GNA12: variants seen among roughly 807,000 people sequenced by gnomAD.
GNA12 encodes G protein subunit alpha 12.
In GNA12, 9 loss-of-function variants were observed where a neutral mutation model predicts 26.0. The ratio of observed to expected loss-of-function variants is 0.35; its 90% CI spans 0.21 to 0.60. GNA12 has a LOEUF of 0.60. Ranked by LOEUF, GNA12 falls within the 20% of genes least tolerant of loss-of-function variation. The probability of loss-of-function intolerance (pLI) is 0.78; values close to 1 mark genes in which losing one functional copy is unlikely to be tolerated. For missense variants in GNA12, 405 were observed against 525.8 expected (o/e 0.77, Z 2.25); for synonymous variants, 264 against 219.6 (o/e 1.20, Z -1.79).
chr7:2,816,047 C>T (rs199634576), intron 1 of GNA12, among the ~76,000 whole-genome samples: 11 of 152,338 alleles, frequency 7.2e-5, no homozygotes, highest in East Asian at 3.9e-4. Context: ...AGACCCTGGC[C>T]GCCGCGCACG....
At chr7:2,739,277 C>T (rs556263148) in intron 2 of GNA12, among the ~76,000 whole-genome samples, 89 of 152,314 alleles carry the variant, frequency 5.8e-4, no homozygotes, top group African/African-American at 8.2e-4. Flanking sequence ...GCCTATCAGC[C>T]GCCACTCCCA....
intron 2 of GNA12, among the ~76,000 whole-genome samples, chr7:2,763,719 T>A (rs1034632890): frequency 6.6e-6 from 1 of 152,188 alleles, no homozygotes; most frequent in Non-Finnish European, 1.5e-5. Flanking sequence ...AACCAAAGCT[T>A]CTTCTAAATG....
chr7:2,744,591 A>T (rs899739871), intron 2 of GNA12, among the ~76,000 whole-genome samples: 26 of 152,346 alleles, frequency 1.7e-4, no homozygotes, highest in African/African-American at 5.8e-4. Context: ...GAAAAACTGG[A>T]AACTCTAAAA....
intron 2 of GNA12, chr7:2,760,211 A>G (rs1470301752): frequency 2.0e-5 from 3 of 152,272 alleles, no homozygotes; most frequent in African/African-American, 4.8e-5. Flanking sequence ...GACACACCCA[A>G]CGCGTGCAGA....
chr7:2,835,528 G>C (rs1366822252), intron 1 of GNA12: 1 of 475,140 alleles, frequency 2.1e-6, no homozygotes, highest in East Asian at 3.6e-5. Context: ...GTGGAGACAG[G>C]GTTGTATTTG....
At chr7:2,828,904 C>A (rs148951698) in intron 1 of GNA12, among the ~76,000 whole-genome samples, 7 of 151,954 alleles carry the variant, frequency 4.6e-5, no homozygotes, top group Admixed American at 3.9e-4. Context: ...TAATTTTTCT[C>A]TACAAAAATT....
chr7:2,813,440 T>C (rs1234792214), intron 1 of GNA12, among the ~76,000 whole-genome samples: 2 of 152,126 alleles, frequency 1.3e-5, no homozygotes, highest in South Asian at 2.1e-4. Context: ...GGAACAGAAG[T>C]TCCCAGTCAG....
intron 1 of GNA12, among the ~76,000 whole-genome samples, chr7:2,810,941 G>A (rs962824798): frequency 6.6e-6 from 1 of 151,448 alleles, no homozygotes; most frequent in Non-Finnish European, 1.5e-5. Flanking sequence ...AAAAGATAAT[G>A]AGATAACATG....
chr7:2,750,750 G>C (rs537566119), intron 2 of GNA12, among the ~76,000 whole-genome samples: 1 of 152,190 alleles, frequency 6.6e-6, no homozygotes, highest in Non-Finnish European at 1.5e-5. Context: ...AAGAGCAAGG[G>C]GGACTATCGG....
chr7:2,789,132 CT>C (rs71026556), intron 2 of GNA12, among the ~76,000 whole-genome samples: 148 of 72,832 alleles, frequency 2.0e-3, no homozygotes, highest in African/African-American at 3.6e-3. Flanking sequence ...CTTCAGGCAT[CT>C]TTTTTTTTTT....
In GNA12 at chr7:2,801,078, C is replaced by T. The variant is rs145473806; in HGVS notation, c.310-5935G>A. Among the ~76,000 whole-genome samples, 642 of 152,252 alleles carry T rather than the reference C, an allele frequency of 4.2e-3. 6 individuals are homozygous for T. Among genetic ancestry groups the T allele is most frequent in the African/African-American group, 0.015 (609 of 41,542 alleles). On this transcript the variant is annotated intron_variant, in intron 1 of 3. Transcript: ENST00000275364. The stretch of plus-strand genomic sequence containing the variant: ...GGTGCCTTTGTACAAATCAGAAAAA[C>T]GCTCTCCATCATCCAGGCAGATGCG...
At chr7:2,761,141 G>A (rs767613278) in intron 2 of GNA12, among the ~76,000 whole-genome samples, 24 of 152,170 alleles carry the variant, frequency 1.6e-4, no homozygotes, top group East Asian at 1.9e-4. Flanking sequence ...AGAGTTATGC[G>A]GATGGGAGAC....
intron 2 of GNA12, among the ~76,000 whole-genome samples, chr7:2,779,760 G>C (rs1486608648): frequency 6.6e-6 from 1 of 151,726 alleles, no homozygotes; most frequent in African/African-American, 2.4e-5. Context: ...ACCACGCCTG[G>C]ATAATTTTTG....
intron 2 of GNA12, among the ~76,000 whole-genome samples, chr7:2,754,267 C>G (rs995006770): frequency 6.6e-6 from 1 of 152,146 alleles, no homozygotes; most frequent in Non-Finnish European, 1.5e-5. Context: ...TGCTTATGTG[C>G]CATCGGCATG....
At chr7:2,810,032 C>T (rs1458888113) in intron 1 of GNA12, among the ~76,000 whole-genome samples, 1 of 152,168 alleles carries the variant, frequency 6.6e-6, no homozygotes, top group Admixed American at 6.5e-5. Context: ...AATGGTTTGA[C>T]ATTAGAAAGG....
chr7:2,818,739 G>C (rs1468899048), intron 1 of GNA12, among the ~76,000 whole-genome samples: 1 of 149,858 alleles, frequency 6.7e-6, no homozygotes, highest in Non-Finnish European at 1.5e-5. Context: ...CTCCAGCGTG[G>C]GTGACAGAGA....
chr7:2,789,775 GGTGA>G (rs1362276724), intron 2 of GNA12, among the ~76,000 whole-genome samples: 1 of 152,200 alleles, frequency 6.6e-6, no homozygotes, highest in African/African-American at 2.4e-5. Context: ...TGCTCCTGGT[GGTGA>G]TGTGTGTGTG....
At chr7:2,842,184 G>A (rs542291256) in intron 1 of GNA12, among the ~76,000 whole-genome samples, 9 of 148,602 alleles carry the variant, frequency 6.1e-5, no homozygotes, top group Admixed American at 2.7e-4. Flanking sequence ...GGAGGACAAA[G>A]GACGCTATCT....
chr7:2,780,763 T>TA (rs761128838), intron 2 of GNA12, among the ~76,000 whole-genome samples: 95 of 151,480 alleles, frequency 6.3e-4, no homozygotes, highest in Non-Finnish European at 1.0e-3. Context: ...ATTCAGAAAT[T>TA]AAAAAAAAAC....
Sources: allele counts gnomAD v4.1 joint callset (sites outside exome capture counted in the v4.1 genomes callset), GRCh38; gene constraint gnomAD v4.1.1; transcripts MANE v1.5; gene names NCBI Gene and HGNC (gene_info 2026-07-23, HGNC 2026-07-21).